BMPR1A: variants seen among roughly 807,000 people sequenced by gnomAD.
BMPR1A encodes the protein bone morphogenetic protein receptor type 1A.
Under a neutral mutation model 66.0 loss-of-function variants are expected in BMPR1A, and 7 were observed. The observed-to-expected ratio is 0.11, with a 90% CI of 0.06 to 0.20. The LOEUF (loss-of-function observed/expected upper bound fraction) is 0.20, where lower values mean the gene tolerates loss of function less well. Ranked by LOEUF, BMPR1A falls within the 10% of genes least tolerant of loss-of-function variation. BMPR1A has a pLI of 1.00. For synonymous variants in BMPR1A, 200 were observed against 229.7 expected, an observed-to-expected ratio of 0.87 and a Z score of 1.17; for missense variants, 408 against 669.1, an observed-to-expected ratio of 0.61 and a Z score of 4.31.
chr10:86,877,830 A>T (rs1231196096), intron 3 of BMPR1A, among the ~76,000 whole-genome samples: 3 of 152,330 alleles, frequency 2.0e-5, no homozygotes, highest in South Asian at 2.1e-4. Context: ...AAATTTTTTT[A>T]AAATCTGTTT....
rs371955925 is a variant in BMPR1A at position 86,891,604 on chromosome 10, T to G, written c.231-523T>G. On this transcript the variant is annotated intron_variant, in intron 4 of 12. Coordinates refer to ENST00000372037, the MANE Select transcript of BMPR1A (RefSeq NM_004329.3). The stretch of plus-strand genomic sequence containing the variant: ...TGTATGTAAATTTATTGAAAATTTA[T>G]TCAAAAGTCCTCTCCCTGTTTTCCC... Among the ~76,000 whole-genome samples the G allele has an allele frequency of 2.0e-4, 30 of 152,304 alleles. No homozygotes were observed. The East Asian group carries it at 4.4e-3, about 22-fold the overall frequency.
intron 1 of BMPR1A, among the ~76,000 whole-genome samples, chr10:86,805,461 CTTTTT>C: frequency 9.2e-6 from 1 of 109,050 alleles, no homozygotes; most frequent in African/African-American, 3.3e-5. Flanking sequence ...TTTCAGTTTC[CTTTTT>C]TTTTTTTTTT....
intron 1 of BMPR1A, among the ~76,000 whole-genome samples, chr10:86,814,512 G>T (rs1413652386): frequency 6.6e-6 from 1 of 151,846 alleles, no homozygotes; most frequent in African/African-American, 2.4e-5. Flanking sequence ...ATTCATTCTT[G>T]TGTTCCTTGG....
At chr10:86,893,543 A>G (rs56084350) in intron 5 of BMPR1A, among the ~76,000 whole-genome samples, 2,991 of 152,188 alleles carry the variant, frequency 0.02, 43 homozygotes, top group Middle Eastern at 0.1. Flanking sequence ...TAATCCCAGC[A>G]CTTTGGGAAG....
At chr10:86,803,465 A>C (rs1323229422) in intron 1 of BMPR1A, among the ~76,000 whole-genome samples, 2 of 152,056 alleles carry the variant, frequency 1.3e-5, no homozygotes, top group African/African-American at 4.8e-5. Context: ...TCCCCATTAC[A>C]GTAGTGTTTT....
intron 1 of BMPR1A, among the ~76,000 whole-genome samples, chr10:86,796,992 T>G (rs1841721866): frequency 6.6e-6 from 1 of 152,124 alleles, no homozygotes; most frequent in Non-Finnish European, 1.5e-5. Flanking sequence ...GATTTTATAC[T>G]TGGCTTTCTA....
chr10:86,891,783 A>G (rs1463899903), intron 4 of BMPR1A, among the ~76,000 whole-genome samples: 1 of 152,240 alleles, frequency 6.6e-6, no homozygotes, highest in Non-Finnish European at 1.5e-5. Flanking sequence ...ATTTTAAAGT[A>G]TGTTTTCAAA....
intron 10 of BMPR1A, 133 bp downstream of exon 10, chr10:86,919,602 G>T: frequency 1.6e-6 from 2 of 1,219,334 alleles, no homozygotes; most frequent in Non-Finnish European, 1.2e-6. Context: ...GTATAGTTGG[G>T]GGGGATTTTG....
At chr10:86,921,223 C>G (rs1451964289) in intron 10 of BMPR1A, among the ~76,000 whole-genome samples, 1 of 152,080 alleles carries the variant, frequency 6.6e-6, no homozygotes, top group Non-Finnish European at 1.5e-5. Flanking sequence ...AAAACCTGAC[C>G]TGAACGGATG....
intron 2 of BMPR1A, among the ~76,000 whole-genome samples, chr10:86,839,943 T>A (rs1842402466): frequency 1.3e-5 from 2 of 152,138 alleles, no homozygotes; most frequent in South Asian, 4.1e-4. Flanking sequence ...ATTACAGGCA[T>A]GAGCTACCAG....
intron 1 of BMPR1A, among the ~76,000 whole-genome samples, chr10:86,793,620 G>T (rs191291678): frequency 2.0e-5 from 3 of 152,210 alleles, no homozygotes; most frequent in African/African-American, 7.2e-5. Context: ...AAAGTGCTGG[G>T]ATTACAGGTG....
intron 2 of BMPR1A, among the ~76,000 whole-genome samples, chr10:86,852,783 A>T (rs2133190653): frequency 6.6e-6 from 1 of 152,312 alleles, no homozygotes; most frequent in East Asian, 1.9e-4. Context: ...TGTTCTTTAC[A>T]AAGGTTATCT....
Position 86,855,324 on chromosome 10 carries a change from AAG to A in BMPR1A, c.-153+16346_-153+16347del, listed in dbSNP as rs1842626257. The A allele has an allele frequency of 5.3e-6, 5 of 937,280 alleles. No individual in the cohort carries two copies. In the Admixed American group the frequency reaches 1.4e-4, roughly 26 times the overall value. The allele number at this position is 937,280 out of a possible 1,614,324, so 58.1% of individuals were successfully genotyped here. On this transcript the variant is annotated intron_variant, in intron 2 of 12. Transcript: ENST00000372037. Reference sequence around the variant, plus strand: ...CAATCAAAGTCTCCTTCAAAACTTTAAGTAAGTTTCTATTTGCCACTTCAGGA... The same window carrying A: ...CAATCAAAGTCTCCTTCAAAACTTTATAAGTTTCTATTTGCCACTTCAGGA...
At chr10:86,760,642 G>T (rs572608138) in intron 1 of BMPR1A, among the ~76,000 whole-genome samples, 1 of 152,132 alleles carries the variant, frequency 6.6e-6, no homozygotes, top group Admixed American at 6.5e-5. Flanking sequence ...AAAGGCTCCT[G>T]TCTAGCCTAA....
intron 1 of BMPR1A, among the ~76,000 whole-genome samples, chr10:86,780,769 A>T (rs1409137999): frequency 1.3e-5 from 2 of 152,162 alleles, no homozygotes; most frequent in East Asian, 3.9e-4. Flanking sequence ...AAGCATTCTG[A>T]TGGGCAAAGA....
intron 1 of BMPR1A, among the ~76,000 whole-genome samples, chr10:86,817,574 C>T (rs1842052912): frequency 6.6e-6 from 1 of 152,154 alleles, no homozygotes; most frequent in South Asian, 2.1e-4. Flanking sequence ...TAAAAGAGTA[C>T]TGTAAACAAA....
intron 1 of BMPR1A, among the ~76,000 whole-genome samples, chr10:86,783,241 G>T (rs1841463411): frequency 6.6e-6 from 1 of 152,138 alleles, no homozygotes; most frequent in African/African-American, 2.4e-5. Flanking sequence ...GTACTATTTT[G>T]ATCACTGTAG....
intron 5 of BMPR1A, among the ~76,000 whole-genome samples, chr10:86,894,005 A>G (rs1012735898): frequency 2.0e-5 from 3 of 152,242 alleles, no homozygotes; most frequent in African/African-American, 7.2e-5. Context: ...GTCTTTGCCC[A>G]GTGAAAATAA....
At chr10:86,780,055 C>A (rs1464937111) in intron 1 of BMPR1A, among the ~76,000 whole-genome samples, 2 of 152,154 alleles carry the variant, frequency 1.3e-5, no homozygotes, top group African/African-American at 4.8e-5. Context: ...CAGGCATGAG[C>A]CCCTGGTAAT....
Sources: allele counts gnomAD v4.1 joint callset (sites outside exome capture counted in the v4.1 genomes callset), GRCh38; gene constraint gnomAD v4.1.1; transcripts MANE v1.5; gene names NCBI Gene and HGNC (gene_info 2026-07-23, HGNC 2026-07-21).